The following GSDME variants were observed in gnomAD, a reference collection of about 807,000 sequenced individuals.
GSDME encodes gasdermin E.
A neutral mutation model predicts 47.5 loss-of-function variants in GSDME; 44 were observed. That is an observed-to-expected ratio of 0.93 (90% CI 0.73 to 1.19). The LOEUF is 1.19. Ranked by LOEUF, GSDME falls within the 50% of genes most tolerant of loss-of-function variation. The pLI is 0.00. For synonymous variants in GSDME, 258 were observed against 252.8 expected, an observed-to-expected ratio of 1.02 and a Z score of -0.20; for missense variants, 663 against 604.2, an observed-to-expected ratio of 1.10 and a Z score of -1.02.
chr7:24,698,543 C>CA lies in GSDME; in HGVS notation c.*482_*483insT, dbSNP rs566482254. 191 of 233,250 alleles carry CA rather than the reference C, an allele frequency of 8.2e-4. 1 individual carries two copies. Among genetic ancestry groups the CA allele is most frequent in the South Asian group, 2.2e-3 (35 of 15,702 alleles). The allele number at this position is 233,250 out of a possible 1,614,324, so 14.4% of individuals were successfully genotyped here. A position where few individuals can be genotyped will look rare whatever the true frequency, so the allele number is the denominator to read the frequency against. On this transcript the variant is annotated 3_prime_UTR_variant, in exon 10 of 10. Transcript: ENST00000645220. ...TAATTTTGTTCAGCAGAGGAATATA[C>CA]TCTAGGAGCATTTACAGTTCATTTT... is the stretch of plus-strand genomic sequence containing the variant.
At chr7:24,783,450 A>G in the GSDME span, among the ~76,000 whole-genome samples, 1 of 152,198 alleles carries the variant, frequency 6.6e-6, no homozygotes. Flanking sequence ...GGTTTGCTCC[A>G]GTTTAGAACT....
intron 3 of GSDME, among the ~76,000 whole-genome samples, chr7:24,731,246 A>G (rs1790134851): frequency 6.6e-6 from 1 of 152,310 alleles, no homozygotes; most frequent in African/African-American, 2.4e-5. Flanking sequence ...TCAAATCAAC[A>G]TCTCCTGCCA....
rs1371255637 is a variant in GSDME at position 24,716,966 on chromosome 7, A to G, written c.697+288T>C. The G allele has an allele frequency of 2.2e-6, 1 of 449,224 alleles. No homozygotes were observed. Among genetic ancestry groups the G allele is most frequent in the Non-Finnish European group, 4.2e-6 (1 of 240,136 alleles). The allele number at this position is 449,224 out of a possible 1,614,324, so 27.8% of individuals were successfully genotyped here. A position where few individuals can be genotyped will look rare whatever the true frequency, so the allele number is the denominator to read the frequency against. ...TGTGTCTGATGCAGAGCCCAGGTTG[A>G]TGCCCAGAGGACACAGCCCAGCCCT... is the stretch of plus-strand genomic sequence containing the variant. On this transcript the variant is annotated intron_variant, in intron 5 of 9. Transcript: ENST00000645220. The surrounding 1 kb of genome is among the most constrained non-coding windows in gnomAD (Gnocchi z 4.5).
At chr7:24,704,181 C>T (rs1402615319) in intron 8 of GSDME, 1 of 152,248 alleles carries the variant, frequency 6.6e-6, no homozygotes, top group Non-Finnish European at 1.5e-5. Context: ...CTGCCTAAAA[C>T]ATAGTATAAG....
Position 24,733,097 on chromosome 7 carries a change from A to G in GSDME, c.404+11465T>C, listed in dbSNP as rs1790196791. 6.6e-6 allele frequency among the ~76,000 whole-genome samples: 1 copy of G among 152,024 alleles called. No individual in the cohort carries two copies. The highest frequency in any genetic ancestry group is 2.1e-4 in the South Asian group (1 of 4,818). ...AGAATACCAGCTCAGCCACAGTAGG[A>G]TAGGGCACCAGGCAGAGTTGTGAGG... On this transcript the variant is annotated intron_variant, in intron 3 of 9. Coordinates refer to ENST00000645220, the MANE Select transcript of GSDME (RefSeq NM_001127453.2). This position sits in a 1 kb window ranked among gnomAD's most constrained non-coding sequence, Gnocchi z 4.3.
chr7:24,754,805 A>T lies in GSDME; in HGVS notation c.-20+2591T>A, dbSNP rs1054320523. Among the ~76,000 whole-genome samples, 2 of 152,206 alleles carry T rather than the reference A, an allele frequency of 1.3e-5. No individual in the cohort carries two copies. The highest frequency in any genetic ancestry group is 2.9e-5 in the Non-Finnish European group (2 of 68,036). ...TCAGTCATGGAGTTATCTAGTTTTT[A>T]AATTAGAAGAGAAACCTCATTCTTT... On this transcript the variant is annotated intron_variant, in intron 1 of 9. Transcript: ENST00000645220. The surrounding 1 kb of genome is among the most constrained non-coding windows in gnomAD (Gnocchi z 5.0).
In GSDME at chr7:24,716,686, G is replaced by C. The variant is rs901184863; in HGVS notation, c.697+568C>G. The C allele has an allele frequency of 6.0e-6, 1 of 166,086 alleles. No homozygotes were observed. Among genetic ancestry groups the C allele is most frequent in the Non-Finnish European group, 1.3e-5 (1 of 75,364 alleles). The allele number at this position is 166,086 out of a possible 1,614,324, so 10.3% of individuals were successfully genotyped here. On this transcript the variant is annotated intron_variant, in intron 5 of 9. Transcript: ENST00000645220. This position sits in a 1 kb window ranked among gnomAD's most constrained non-coding sequence, Gnocchi z 4.5. Reference sequence around the variant, plus strand: ...GATCAGCAGAGGAAAGTCAAGTTCAGCATGTCTGGCTTCATACTTGTGGAG... The same window carrying C: ...GATCAGCAGAGGAAAGTCAAGTTCACCATGTCTGGCTTCATACTTGTGGAG...
the GSDME span, among the ~76,000 whole-genome samples, chr7:24,789,578 T>C: frequency 6.6e-6 from 1 of 152,190 alleles, no homozygotes; most frequent in Non-Finnish European, 1.5e-5. Flanking sequence ...CTGGAATCTA[T>C]AGATAACAGA....
intron 1 of GSDME, among the ~76,000 whole-genome samples, chr7:24,750,921 T>A (rs1324111298): frequency 2.0e-5 from 3 of 152,156 alleles, no homozygotes; most frequent in African/African-American, 7.2e-5. Context: ...GCTAACTATC[T>A]GGAAAGAAAA....
At chr7:24,767,838 G>GA in the GSDME span, among the ~76,000 whole-genome samples, 2 of 152,134 alleles carry the variant, frequency 1.3e-5, no homozygotes, top group African/African-American at 4.8e-5. This position sits in a 1 kb window ranked among gnomAD's most constrained non-coding sequence, Gnocchi z 5.3. Flanking sequence ...AGAAAGTGCA[G>GA]AAAAAATGCT....
At chr7:24,759,165 T>C (rs936893672), upstream of GSDME, among the ~76,000 whole-genome samples, 6 of 152,228 alleles carry the variant, frequency 3.9e-5, no homozygotes, top group African/African-American at 7.2e-5. Flanking sequence ...TCATGTATGC[T>C]ATTGGTTCTC....
the GSDME span, among the ~76,000 whole-genome samples, chr7:24,787,648 C>A: frequency 6.6e-6 from 1 of 152,068 alleles, no homozygotes; most frequent in Non-Finnish European, 1.5e-5. This position sits in a 1 kb window ranked among gnomAD's most constrained non-coding sequence, Gnocchi z 5.0. Flanking sequence ...GCCATTACAA[C>A]AGTAATAGTA....
Position 24,710,242 on chromosome 7 carries a change from A to C in GSDME, c.844T>G (p.Leu282Val). The change falls in exon 6 of 10, where the codon TTA (leucine) becomes GTA (valine). Residue 282 changes from leucine to valine, a missense_variant. Coordinates refer to ENST00000645220, the MANE Select transcript of GSDME (RefSeq NM_001127453.2). ...GCAATACCTTGCTTTAAAACACTTA[A>C]TGGTCCATCCTGGGAAGATATCCCA... ...AHGISSQDGP[L>V]SVLKQATLLL... 6.2e-7 allele frequency: 1 copy of C among 1,614,026 alleles called. No individual in the cohort carries two copies. Among genetic ancestry groups the C allele is most frequent in the Non-Finnish European group, 8.5e-7 (1 of 1,180,020 alleles).
the GSDME span, among the ~76,000 whole-genome samples, chr7:24,788,547 CAACT>C: frequency 6.6e-6 from 1 of 152,144 alleles, no homozygotes; most frequent in Non-Finnish European, 1.5e-5. The surrounding 1 kb of genome is among the most constrained non-coding windows in gnomAD (Gnocchi z 4.6). Flanking sequence ...GCAGGGGCAC[CAACT>C]AATAAGCCCA....
At chr7:24,779,536 T>C in the GSDME span, among the ~76,000 whole-genome samples, 1 of 151,882 alleles carries the variant, frequency 6.6e-6, no homozygotes, top group African/African-American at 2.4e-5. This position sits in a 1 kb window ranked among gnomAD's most constrained non-coding sequence, Gnocchi z 6.0. Flanking sequence ...TGTGTCTGTG[T>C]GTTGTGCCAT....
chr7:24,774,323 C>T, the GSDME span, among the ~76,000 whole-genome samples: 1 of 89,258 alleles, frequency 1.1e-5, no homozygotes, highest in Non-Finnish European at 2.1e-5. Context: ...CTTCCTTCTT[C>T]CCTCCCTCCC....
Position 24,721,689 on chromosome 7 carries a change from G to A in GSDME, c.405-2471C>T, listed in dbSNP as rs1789793656. 6.6e-6 allele frequency among the ~76,000 whole-genome samples: 1 copy of A among 152,208 alleles called. No homozygotes were observed. The highest frequency in any genetic ancestry group is 2.4e-5 in the African/African-American group (1 of 41,458). ...ATGAGGCTCACAAAACAAAGCCACA[G>A]TGTGTGCCCTGCATGGGAATTATGG... On this transcript the variant is annotated intron_variant, in intron 3 of 9. Coordinates refer to ENST00000645220, the MANE Select transcript of GSDME (RefSeq NM_001127453.2). This position sits in a 1 kb window ranked among gnomAD's most constrained non-coding sequence, Gnocchi z 4.1.
At chr7:24,786,226 A>G in the GSDME span, among the ~76,000 whole-genome samples, 2 of 152,272 alleles carry the variant, frequency 1.3e-5, no homozygotes, top group African/African-American at 4.8e-5. The surrounding 1 kb of genome is among the most constrained non-coding windows in gnomAD (Gnocchi z 5.5). Context: ...CCCAATTCCC[A>G]TCCTGGGGTT....
chr7:24,723,729 C>A (rs551782156), intron 3 of GSDME, among the ~76,000 whole-genome samples: 1 of 152,368 alleles, frequency 6.6e-6, no homozygotes, highest in Non-Finnish European at 1.5e-5. Context: ...TCTCCCTCTT[C>A]TGGGTGAGGG....
Sources: gnomAD v4.1 joint callset for allele counts (sites outside exome capture counted in the v4.1 genomes callset) on GRCh38, gnomAD v4.1.1 for gene constraint, Gnocchi (gnomAD v3.1) non-coding constraint, MANE v1.5 for transcripts, NCBI Gene and HGNC (gene_info 2026-07-23, HGNC 2026-07-21) for gene names.